Variants in SPPL3 observed in about 807,000 individuals in gnomAD.
SPPL3 encodes the protein signal peptide peptidase-like 3.
A neutral mutation model predicts 42.4 loss-of-function variants in SPPL3; 5 were observed. That is an observed-to-expected ratio of 0.12 (90% CI 0.06 to 0.25). The LOEUF (loss-of-function observed/expected upper bound fraction) is 0.25, where lower values mean the gene tolerates loss of function less well. Among genes scored for constraint, SPPL3 ranks in the 10% least tolerant of loss-of-function variants. The pLI is 1.00. For synonymous variants in SPPL3, 195 were observed against 181.8 expected (o/e 1.07, Z -0.58); for missense variants, 235 against 489.0 (o/e 0.48, Z 4.90).
chr12:120,892,270 G>A (rs780412929), intron 1 of SPPL3, among the ~76,000 whole-genome samples: 1 of 152,114 alleles, frequency 6.6e-6, no homozygotes, highest in Admixed American at 6.6e-5. Context: ...CTTACAAAGT[G>A]CATTGTCAAA....
intron 1 of SPPL3, among the ~76,000 whole-genome samples, chr12:120,829,005 C>T (rs540445449): frequency 1.4e-4 from 22 of 152,286 alleles, no homozygotes; most frequent in African/African-American, 4.1e-4. Context: ...TCAAGTGATC[C>T]TCCTGCCTCA....
At chr12:120,852,204 C>T (rs1409799678) in intron 1 of SPPL3, among the ~76,000 whole-genome samples, 1 of 151,898 alleles carries the variant, frequency 6.6e-6, no homozygotes, top group Non-Finnish European at 1.5e-5. Context: ...ATAGCTGAAG[C>T]TCCATATAAT....
intron 1 of SPPL3, among the ~76,000 whole-genome samples, chr12:120,843,311 T>A (rs1012741393): frequency 1.3e-5 from 2 of 152,362 alleles, no homozygotes; most frequent in South Asian, 4.1e-4. Context: ...GATTTAAGAC[T>A]TGCCTATAAT....
At chr12:120,773,235 G>A (rs1374836067) in intron 6 of SPPL3, among the ~76,000 whole-genome samples, 1 of 152,220 alleles carries the variant, frequency 6.6e-6, no homozygotes, top group Non-Finnish European at 1.5e-5. Flanking sequence ...ATTTGGTTGT[G>A]TCATGAGTCA....
intron 2 of SPPL3, among the ~76,000 whole-genome samples, chr12:120,808,226 C>T (rs776829937): frequency 1.3e-5 from 2 of 151,754 alleles, no homozygotes; most frequent in South Asian, 2.1e-4. Context: ...TCCCAGGTAG[C>T]GCCGCCATGC....
intron 1 of SPPL3, among the ~76,000 whole-genome samples, chr12:120,824,802 T>C (rs1347906381): frequency 6.6e-6 from 1 of 152,184 alleles, no homozygotes; most frequent in Non-Finnish European, 1.5e-5. Context: ...CCTCCCAACT[T>C]GCTGGGATTA....
chr12:120,788,150 G>A (rs1203951526), intron 3 of SPPL3, among the ~76,000 whole-genome samples: 1 of 152,208 alleles, frequency 6.6e-6, no homozygotes, highest in Non-Finnish European at 1.5e-5. Context: ...GCTCTTTGCT[G>A]TTGCTGTGCA....
In SPPL3 at chr12:120,892,445, C is replaced by G. The variant is rs181669753; in HGVS notation, c.23+11400G>C. Among the ~76,000 whole-genome samples, 30 of 152,134 alleles carry G rather than the reference C, an allele frequency of 2.0e-4. No homozygotes were observed. The East Asian group carries it at 5.6e-3, about 28-fold the overall frequency. On this transcript the variant is annotated intron_variant, in intron 1 of 10. Coordinates refer to ENST00000353487, the MANE Select transcript of SPPL3 (RefSeq NM_139015.5). ...CAAGGGGAAAACATTGCAGTCAGAC[C>G]TTGAAAAATGGGTAGGAGTCAACAT...
chr12:120,778,292 C>T (rs1566039080), intron 6 of SPPL3, among the ~76,000 whole-genome samples: 1 of 151,326 alleles, frequency 6.6e-6, no homozygotes, highest in South Asian at 2.1e-4. Flanking sequence ...AATTTTTGAA[C>T]TTTTAGTAGA....
chr12:120,786,851 C>T (rs1312033633), intron 3 of SPPL3, among the ~76,000 whole-genome samples: 1 of 152,090 alleles, frequency 6.6e-6, no homozygotes, highest in Admixed American at 6.6e-5. Flanking sequence ...ACTCCAGTAA[C>T]TTAAAAACAA....
At chr12:120,813,400 C>T (rs1870752640) in intron 1 of SPPL3, among the ~76,000 whole-genome samples, 1 of 151,340 alleles carries the variant, frequency 6.6e-6, no homozygotes, top group Non-Finnish European at 1.5e-5. Flanking sequence ...TCACTGCAAC[C>T]TCCACCTCCT....
At chr12:120,836,791 G>C (rs1003658800) in intron 1 of SPPL3, among the ~76,000 whole-genome samples, 1 of 152,156 alleles carries the variant, frequency 6.6e-6, no homozygotes, top group African/African-American at 2.4e-5. Context: ...CAGAAACACA[G>C]GCAGGTGGTA....
At chr12:120,784,427 A>T in intron 4 of SPPL3, 47 bp downstream of exon 4, 1 of 1,505,542 alleles carries the variant, frequency 6.6e-7, no homozygotes, top group Non-Finnish European at 8.9e-7. Context: ...AAGGTGAAAA[A>T]TTTTCCTTTT....
intron 1 of SPPL3, among the ~76,000 whole-genome samples, chr12:120,819,004 G>A (rs1393826917): frequency 2.0e-5 from 3 of 152,082 alleles, no homozygotes; most frequent in African/African-American, 7.2e-5. Context: ...TTCTCATATC[G>A]GCTTCTGCAT....
chr12:120,888,790 G>A (rs1415922421), intron 1 of SPPL3, among the ~76,000 whole-genome samples: 1 of 152,124 alleles, frequency 6.6e-6, no homozygotes, highest in Admixed American at 6.6e-5. Context: ...TGACTGAATT[G>A]TACAGTATGT....
intron 2 of SPPL3, among the ~76,000 whole-genome samples, chr12:120,801,541 C>T (rs990615922): frequency 6.6e-6 from 1 of 152,012 alleles, no homozygotes; most frequent in Non-Finnish European, 1.5e-5. Flanking sequence ...ATTCAGGGGG[C>T]ACAGAGGAAG....
At chr12:120,874,602 A>C (rs1486031518) in intron 1 of SPPL3, among the ~76,000 whole-genome samples, 1 of 152,232 alleles carries the variant, frequency 6.6e-6, no homozygotes, top group Non-Finnish European at 1.5e-5. Context: ...GTGGTAGACT[A>C]TATTTTCCAA....
intron 1 of SPPL3, among the ~76,000 whole-genome samples, chr12:120,894,730 G>C (rs1341268071): frequency 1.3e-5 from 2 of 152,126 alleles, no homozygotes; most frequent in Non-Finnish European, 1.5e-5. Flanking sequence ...TGGATCACCT[G>C]AGGTCGGGAG....
intron 2 of SPPL3, among the ~76,000 whole-genome samples, chr12:120,808,443 C>T (rs527750866): frequency 2.0e-5 from 3 of 152,276 alleles, no homozygotes; most frequent in African/African-American, 7.2e-5. Context: ...TTCTATGATA[C>T]ACTTATTACA....
Sources: gnomAD v4.1 joint callset for allele counts (sites outside exome capture counted in the v4.1 genomes callset) on GRCh38, gnomAD v4.1.1 for gene constraint, MANE v1.5 for transcripts, NCBI Gene and HGNC (gene_info 2026-07-23, HGNC 2026-07-21) for gene names.